The following UBASH3B variants were observed in gnomAD, a reference collection of about 807,000 sequenced individuals.
UBASH3B encodes ubiquitin associated and SH3 domain containing B, also known as ubiquitin-associated and SH3 domain-containing protein B.
UBASH3B carries 37 observed loss-of-function variants against 83.4 expected under a neutral mutation model. The ratio of observed to expected loss-of-function variants is 0.44; its 90% CI spans 0.34 to 0.58. UBASH3B has a LOEUF of 0.58. Ranked by LOEUF, UBASH3B falls within the 20% of genes least tolerant of loss-of-function variation. The pLI is 0.01. For synonymous variants in UBASH3B, 304 were observed against 318.3 expected (o/e 0.96, Z 0.48); for missense variants, 657 against 827.2 (o/e 0.79, Z 2.52).
At chr11:122,771,758 C>G (rs1004412220) in intron 1 of UBASH3B, among the ~76,000 whole-genome samples, 8 of 116,936 alleles carry the variant, frequency 6.8e-5, no homozygotes, top group African/African-American at 2.5e-4. Context: ...AACACACACA[C>G]ACACACACAC....
At chr11:122,788,993 G>T (rs1364258287) in intron 5 of UBASH3B, 107 bp from the exon 6 acceptor site, 2 of 1,026,998 alleles carry the variant, frequency 1.9e-6, no homozygotes, top group African/African-American at 1.6e-5. Context: ...TGGGCACATC[G>T]CCCTCTGGAG....
At position 122,776,413 on chromosome 11, in the gene UBASH3B, CA is replaced by C. The variant is rs539704187; in HGVS notation, c.215+143del. On this transcript the variant is annotated intron_variant, in intron 2 of 13. Transcript: ENST00000284273. ...AAAAGACTGTGGCAAGTGCGTTTATCAAGTCAATTGCCTCCTCTGCCCTGGC... is the reference window on the plus strand; with the variant it reads ...AAAAGACTGTGGCAAGTGCGTTTATCAGTCAATTGCCTCCTCTGCCCTGGC... The C allele has an allele frequency of 1.3e-4, 96 of 722,534 alleles. No homozygotes were observed. In the African/African-American group the frequency reaches 1.5e-3, roughly 12 times the overall value. The allele number at this position is 722,534 out of a possible 1,614,324, so 44.8% of individuals were successfully genotyped here. A position where few individuals can be genotyped will look rare whatever the true frequency, so the allele number is the denominator to read the frequency against.
At chr11:122,666,349 T>G (rs1433290422) in intron 1 of UBASH3B, among the ~76,000 whole-genome samples, 1 of 152,376 alleles carries the variant, frequency 6.6e-6, no homozygotes, top group Admixed American at 6.5e-5. Context: ...TGTGGAACGA[T>G]GCAGGGTCGC....
intron 1 of UBASH3B, among the ~76,000 whole-genome samples, chr11:122,705,195 C>T (rs572558894): frequency 6.6e-6 from 1 of 152,220 alleles, no homozygotes; most frequent in East Asian, 1.9e-4. Context: ...GCCTGTAATC[C>T]CAGCACTTCG....
rs576061153 is a variant in UBASH3B at position 122,733,117 on chromosome 11, C to T, written c.162-43102C>T. ...AAGCCTTTGTGCTAAACAGAAAATGCCAAAGGTCTTTGGATATGGGGAGTC... is the reference window on the plus strand; with the variant it reads ...AAGCCTTTGTGCTAAACAGAAAATGTCAAAGGTCTTTGGATATGGGGAGTC... On this transcript the variant is annotated intron_variant, in intron 1 of 13. Coordinates refer to ENST00000284273, the MANE Select transcript of UBASH3B (RefSeq NM_032873.5). Among the ~76,000 whole-genome samples, 4 of 152,262 alleles carry T rather than the reference C, an allele frequency of 2.6e-5. No homozygotes were observed. In the South Asian group the frequency reaches 8.3e-4, roughly 32 times the overall value.
intron 1 of UBASH3B, among the ~76,000 whole-genome samples, chr11:122,725,635 T>A (rs1174648554): frequency 1.3e-5 from 2 of 152,190 alleles, no homozygotes; most frequent in African/African-American, 4.8e-5. Flanking sequence ...TTCCTGCAAA[T>A]GTAGCCTACT....
chr11:122,738,316 T>A (rs1860968445), intron 1 of UBASH3B, among the ~76,000 whole-genome samples: 2 of 152,194 alleles, frequency 1.3e-5, no homozygotes, highest in Admixed American at 6.5e-5. Flanking sequence ...ACTTTGTTAG[T>A]GGGGAAGTGC....
intron 1 of UBASH3B, among the ~76,000 whole-genome samples, chr11:122,722,295 AATTACTG>A (rs1376625533): frequency 1.8e-4 from 28 of 152,246 alleles, no homozygotes; most frequent in Admixed American, 1.7e-3. Context: ...TGCCTCTCCT[AATTACTG>A]ATAGGTGTCC....
At chr11:122,794,418 G>A (rs1384442846) in intron 6 of UBASH3B, among the ~76,000 whole-genome samples, 3 of 152,136 alleles carry the variant, frequency 2.0e-5, no homozygotes, top group South Asian at 2.1e-4. Flanking sequence ...CATTGGCCAG[G>A]CTGGTCTCAA....
At chr11:122,718,617 G>T (rs1449520567) in intron 1 of UBASH3B, among the ~76,000 whole-genome samples, 1 of 152,142 alleles carries the variant, frequency 6.6e-6, no homozygotes, top group Non-Finnish European at 1.5e-5. Flanking sequence ...CACCCAGCAG[G>T]TCCTCAATTA....
chr11:122,675,342 G>A (rs1361120744), intron 1 of UBASH3B, among the ~76,000 whole-genome samples: 1 of 152,218 alleles, frequency 6.6e-6, no homozygotes, highest in Non-Finnish European at 1.5e-5. Context: ...GTTGTTTTGA[G>A]TGTTGGTTCT....
In UBASH3B at chr11:122,813,240, T is replaced by A. The variant is rs772065737; in HGVS notation, c.*3354T>A. The A allele has an allele frequency of 1.3e-5, 2 of 152,256 alleles. No individual in the cohort carries two copies. Among genetic ancestry groups the A allele is most frequent in the Non-Finnish European group, 2.9e-5 (2 of 68,052 alleles). 9.4% of individuals were successfully genotyped at this position (152,256 alleles called of 1,614,324 possible). On this transcript the variant is annotated 3_prime_UTR_variant, in exon 14 of 14. Transcript: ENST00000284273. ...TTAACATTACCATAAGTGTGTCTTTTCCACTCAACTAGCTGTATTCGTATT... is the reference window on the plus strand; with the variant it reads ...TTAACATTACCATAAGTGTGTCTTTACCACTCAACTAGCTGTATTCGTATT...
chr11:122,798,884 G>A, intron 9 of UBASH3B, 58 bp from the exon 10 acceptor site: 2 of 1,476,074 alleles, frequency 1.4e-6, no homozygotes, highest in South Asian at 1.2e-5. Context: ...TCACACTGCG[G>A]GTCAAGGTGA....
Position 122,794,817 on chromosome 11 carries a change from A to G in UBASH3B, c.1096A>G (p.Ile366Val), listed in dbSNP as rs1174153714. Reference sequence around the variant, plus strand: ...CGGGGAGACGACTCCTCTTACTATCATCTGCCAGCCCATGCAGGTAAGGCT... The same window carrying G: ...CGGGGAGACGACTCCTCTTACTATCGTCTGCCAGCCCATGCAGGTAAGGCT... ...GLGETTPLTI[I>V]CQPMQPLRVN... Residue 366 changes from isoleucine (I) to valine (V), a missense_variant, in exon 7 of 14, where the codon ATC (isoleucine) becomes GTC (valine). Around this residue, in one of 3 missense-constraint regions of UBASH3B, gnomAD observed 573 missense variants for 739.0 expected, o/e 0.78. Coordinates refer to ENST00000284273, the MANE Select transcript of UBASH3B (RefSeq NM_032873.5). 6.2e-7 allele frequency: 1 copy of G among 1,613,718 alleles called. No homozygotes were observed. Among genetic ancestry groups the G allele is most frequent in the African/African-American group, 1.3e-5 (1 of 74,910 alleles).
chr11:122,748,777 C>T (rs1024456724), intron 1 of UBASH3B, among the ~76,000 whole-genome samples: 7 of 152,238 alleles, frequency 4.6e-5, no homozygotes, highest in African/African-American at 1.7e-4. Flanking sequence ...CAACCCCAAA[C>T]TGTGTCACAG....
chr11:122,693,241 G>A (rs1863919533), intron 1 of UBASH3B, among the ~76,000 whole-genome samples: 1 of 152,226 alleles, frequency 6.6e-6, no homozygotes, highest in Admixed American at 6.5e-5. Flanking sequence ...AATGTCATCA[G>A]TTAAGGCTAT....
At chr11:122,673,917 T>G (rs1457149051) in intron 1 of UBASH3B, among the ~76,000 whole-genome samples, 1 of 152,190 alleles carries the variant, frequency 6.6e-6, no homozygotes, top group Non-Finnish European at 1.5e-5. Flanking sequence ...TTAGAGTATC[T>G]TTTTAGAGCT....
At chr11:122,683,334 G>A (rs1021091983) in intron 1 of UBASH3B, among the ~76,000 whole-genome samples, 2 of 151,920 alleles carry the variant, frequency 1.3e-5, no homozygotes, top group African/African-American at 4.8e-5. Context: ...TGACCACAGG[G>A]CCTGGCATGG....
In UBASH3B at chr11:122,783,282, G is replaced by C; in HGVS notation, c.771+60G>C. 1.3e-6 allele frequency: 2 copies of C among 1,571,740 alleles called. 1 individual carries two copies. The highest frequency in any genetic ancestry group is 2.4e-5 in the South Asian group (2 of 84,800). ...TGCAGGGATGCAATCAGAATCAGCAGCTCGCTGCTGCAGGGAGATGGGTAC... is the reference window on the plus strand; with the variant it reads ...TGCAGGGATGCAATCAGAATCAGCACCTCGCTGCTGCAGGGAGATGGGTAC... On this transcript the variant is annotated intron_variant, in intron 5 of 13. Coordinates refer to ENST00000284273, the MANE Select transcript of UBASH3B (RefSeq NM_032873.5).
Sources: allele counts gnomAD v4.1 joint callset (sites outside exome capture counted in the v4.1 genomes callset), GRCh38; gene constraint gnomAD v4.1.1; regional missense constraint gnomAD v4.1.1; transcripts MANE v1.5; gene names NCBI Gene and HGNC (gene_info 2026-07-23, HGNC 2026-07-21).